Variants in XRCC4 observed in about 807,000 individuals in gnomAD.
The protein encoded by XRCC4 is DNA repair protein XRCC4.
Under a neutral mutation model 39.1 loss-of-function variants are expected in XRCC4, and 28 were observed. The ratio of observed to expected loss-of-function variants is 0.72; its 90% CI spans 0.53 to 0.98. The LOEUF (loss-of-function observed/expected upper bound fraction) is 0.98. XRCC4 is among the 50% of genes least tolerant of loss of function. XRCC4 has a pLI of 0.00. For missense variants in XRCC4, 350 were observed against 376.4 expected, an observed-to-expected ratio of 0.93 and a Z score of 0.58; for synonymous variants, 123 against 126.4, an observed-to-expected ratio of 0.97 and a Z score of 0.18.
At chr5:83,133,928 C>G (rs149480344) in intron 3 of XRCC4, among the ~76,000 whole-genome samples, 2,273 of 152,304 alleles carry the variant, frequency 0.015, 73 homozygotes, top group African/African-American at 0.052. Flanking sequence ...CTGGCTCCCT[C>G]TGCTGGCGGG....
At chr5:83,225,270 C>T (rs1290167016) in intron 6 of XRCC4, among the ~76,000 whole-genome samples, 1 of 152,032 alleles carries the variant, frequency 6.6e-6, no homozygotes, top group African/African-American at 2.4e-5. Flanking sequence ...TAAGTTGTAG[C>T]TGTTATGGTT....
chr5:83,150,751 A>AATT (rs1380503846), intron 3 of XRCC4, among the ~76,000 whole-genome samples: 2 of 152,174 alleles, frequency 1.3e-5, no homozygotes, highest in Non-Finnish European at 2.9e-5. Context: ...GACAGCCATA[A>AATT]ATCAGCATGA....
chr5:83,280,271 C>A, intron 7 of XRCC4: 1 of 362,658 alleles, frequency 2.8e-6, no homozygotes, highest in South Asian at 3.5e-5. Context: ...TTACAATATC[C>A]GGATGTCTTT....
chr5:83,116,631 TTTTTTTTTG>T (rs1561337591), intron 3 of XRCC4, among the ~76,000 whole-genome samples: 1 of 140,394 alleles, frequency 7.1e-6, no homozygotes, highest in Non-Finnish European at 1.5e-5. Flanking sequence ...TTTTTTTTTT[TTTTTTTTTG>T]AGATGGAGCC....
intron 3 of XRCC4, among the ~76,000 whole-genome samples, chr5:83,118,740 A>C (rs1355615906): frequency 2.0e-5 from 3 of 152,218 alleles, no homozygotes; most frequent in Non-Finnish European, 4.4e-5. Flanking sequence ...AGTTTTCATT[A>C]CTGTGTAAAA....
chr5:83,204,710 TAGAATC>T (rs1751348448), intron 5 of XRCC4, 99 bp from the exon 6 acceptor site: 1 of 712,226 alleles, frequency 1.4e-6, no homozygotes, highest in Admixed American at 2.8e-5. Flanking sequence ...TTTGTCTAAT[TAGAATC>T]TTTTTCTAGG....
chr5:83,146,405 T>C (rs964554708), intron 3 of XRCC4, among the ~76,000 whole-genome samples: 2 of 152,184 alleles, frequency 1.3e-5, no homozygotes, highest in African/African-American at 4.8e-5. Flanking sequence ...GATCTCATAC[T>C]TACCTTTCCC....
intron 3 of XRCC4, among the ~76,000 whole-genome samples, chr5:83,124,010 A>G (rs922734666): frequency 2.6e-5 from 4 of 152,162 alleles, no homozygotes; most frequent in Non-Finnish European, 5.9e-5. Context: ...AGCTTTCCCG[A>G]TGATAACAAT....
At chr5:83,258,254 A>G (rs970304935) in intron 6 of XRCC4, among the ~76,000 whole-genome samples, 3 of 152,098 alleles carry the variant, frequency 2.0e-5, no homozygotes, top group South Asian at 2.1e-4. Flanking sequence ...TAAAAATACT[A>G]TCTCCATTAA....
intron 7 of XRCC4, among the ~76,000 whole-genome samples, chr5:83,340,618 T>TA (rs34646294): frequency 0.32 from 47,052 of 145,044 alleles, 7,769 homozygotes; most frequent in Middle Eastern, 0.41. Flanking sequence ...CTCTACAAGC[T>TA]AAAAAAAAAA....
intron 7 of XRCC4, among the ~76,000 whole-genome samples, chr5:83,316,529 C>CA (rs1426545611): frequency 2.7e-5 from 4 of 149,402 alleles, no homozygotes; most frequent in Non-Finnish European, 5.9e-5. Context: ...CAATGGAAAA[C>CA]AAAAAAAGGC....
intron 3 of XRCC4, among the ~76,000 whole-genome samples, chr5:83,154,585 T>G (rs1400058228): frequency 6.6e-6 from 1 of 152,214 alleles, no homozygotes; most frequent in African/African-American, 2.4e-5. Context: ...AATTATTAAC[T>G]ATTTGTTCTT....
intron 7 of XRCC4, among the ~76,000 whole-genome samples, chr5:83,309,517 T>G (rs1343361648): frequency 6.6e-6 from 1 of 150,706 alleles, no homozygotes; most frequent in Non-Finnish European, 1.5e-5. Flanking sequence ...ATCCCAGCAC[T>G]TTGGGAGGCC....
At chr5:83,147,781 A>G (rs1008859626) in intron 3 of XRCC4, among the ~76,000 whole-genome samples, 5 of 143,984 alleles carry the variant, frequency 3.5e-5, no homozygotes, top group Non-Finnish European at 4.5e-5. Flanking sequence ...CGCAATGTAT[A>G]TATATTTCTT....
Position 83,337,747 on chromosome 5 carries a change from G to A in XRCC4, c.894-15384G>A, listed in dbSNP as rs184381536. Among the ~76,000 whole-genome samples, 457 of 152,280 alleles carry A rather than the reference G, an allele frequency of 3.0e-3. 9 individuals are homozygous for A. The highest frequency in any genetic ancestry group is 0.027 in the Admixed American group (408 of 15,282). On this transcript the variant is annotated intron_variant, in intron 7 of 7. Coordinates refer to ENST00000396027, the MANE Select transcript of XRCC4 (RefSeq NM_003401.5). ...AATGGTCTTTATTTTATGCCACTAA[G>A]TTTGGAGTGGTTTATTACACAACTG...
intron 6 of XRCC4, among the ~76,000 whole-genome samples, chr5:83,234,663 A>C (rs997896156): frequency 7.9e-5 from 12 of 152,174 alleles, no homozygotes; most frequent in Admixed American, 3.9e-4. Context: ...CTGGTTATGA[A>C]GTCATCCAGC....
At chr5:83,175,619 GT>G (rs535109676) in intron 3 of XRCC4, among the ~76,000 whole-genome samples, 1 of 148,918 alleles carries the variant, frequency 6.7e-6, no homozygotes, top group African/African-American at 2.5e-5. Flanking sequence ...TTTTGTTTTT[GT>G]TTTTTTTTGA....
At chr5:83,365,200 C>A in the XRCC4 span, among the ~76,000 whole-genome samples, 1 of 152,186 alleles carries the variant, frequency 6.6e-6, no homozygotes, top group East Asian at 1.9e-4. Flanking sequence ...CCTGGAAAGC[C>A]CCATTCAAAT....
intron 2 of XRCC4, 73 bp downstream of exon 2, chr5:83,105,131 C>G (rs1746137780): frequency 7.0e-7 from 1 of 1,423,474 alleles, no homozygotes; most frequent in African/African-American, 1.5e-5. Flanking sequence ...GATACTTTTC[C>G]ATTAGATATT....
Sources: allele counts gnomAD v4.1 joint callset (sites outside exome capture counted in the v4.1 genomes callset), GRCh38; gene constraint gnomAD v4.1.1; transcripts MANE v1.5; gene names NCBI Gene and HGNC (gene_info 2026-07-23, HGNC 2026-07-21).